The following EVA1C variants were observed in gnomAD, a reference collection of about 807,000 sequenced individuals.
EVA1C encodes the protein protein eva-1 homolog C.
In EVA1C, 25 loss-of-function variants were observed where a neutral mutation model predicts 45.4. That is an observed-to-expected ratio of 0.55 (90% CI 0.40 to 0.77). The LOEUF is 0.77. EVA1C is among the 30% of genes least tolerant of loss of function. The pLI is 0.00. For missense variants in EVA1C, 479 were observed against 554.8 expected (o/e 0.86, Z 1.37); for synonymous variants, 190 against 221.2 (o/e 0.86, Z 1.25).
intron 1 of EVA1C, among the ~76,000 whole-genome samples, chr21:32,413,941 A>C (rs990311393): frequency 3.9e-5 from 6 of 152,206 alleles, no homozygotes; most frequent in African/African-American, 1.4e-4. Context: ...CAGGCTTTGC[A>C]CAGTCGGTCC....
intron 4 of EVA1C, among the ~76,000 whole-genome samples, chr21:32,482,544 A>T (rs2036824376): frequency 6.6e-6 from 1 of 152,174 alleles, no homozygotes; most frequent in Non-Finnish European, 1.5e-5. Flanking sequence ...ACCTCCTCGG[A>T]AGCCCAGGGC....
intron 4 of EVA1C, among the ~76,000 whole-genome samples, chr21:32,473,586 G>A (rs770277889): frequency 2.6e-5 from 4 of 152,212 alleles, no homozygotes; most frequent in Admixed American, 6.5e-5. Flanking sequence ...GTCCCATGGT[G>A]GCACCTCTCT....
Position 32,457,658 on chromosome 21 carries a change from T to C in EVA1C, c.419T>C (p.Phe140Ser), listed in dbSNP as rs1487791488. 5.0e-6 allele frequency: 8 copies of C among 1,614,176 alleles called. No individual in the cohort carries two copies. In the South Asian group the frequency reaches 8.8e-5, roughly 18 times the overall value. The change falls in exon 3 of 8, where the codon TTT becomes TCT. Residue 140 changes from phenylalanine to serine, a missense_variant. Phe to Ser is a radical substitution (Grantham distance 155). Transcript: ENST00000300255. Reference protein sequence around the residue: ...ACHLLVNSRVFGPDLCPGSSK... With the variant: ...ACHLLVNSRVSGPDLCPGSSK... ...CACCTCCTGGTCAATAGCCGTGTTT[T>C]TGGACCTGACCTTTGTCCAGGAAGC... is the stretch of plus-strand genomic sequence containing the variant.
intron 4 of EVA1C, among the ~76,000 whole-genome samples, chr21:32,472,640 A>T (rs2036418504): frequency 6.6e-6 from 1 of 151,518 alleles, no homozygotes; most frequent in African/African-American, 2.4e-5. Flanking sequence ...TGTCTCTTAA[A>T]AGAAAAAAAA....
At chr21:32,448,093 A>G (rs2035432441) in intron 1 of EVA1C, among the ~76,000 whole-genome samples, 1 of 151,866 alleles carries the variant, frequency 6.6e-6, no homozygotes, top group African/African-American at 2.4e-5. Flanking sequence ...GATGGCCTCC[A>G]TGTTGCTGAA....
At chr21:32,415,719 C>T (rs1321861691) in intron 1 of EVA1C, among the ~76,000 whole-genome samples, 3 of 152,256 alleles carry the variant, frequency 2.0e-5, no homozygotes, top group South Asian at 2.1e-4. Context: ...TAAACAGGCT[C>T]CCCAAACACC....
At position 32,412,937 on chromosome 21, in the gene EVA1C, G is replaced by A. The variant is rs1162840542; in HGVS notation, c.84G>A (p.Pro28=). The change falls in exon 1 of 8, where the codon CCG becomes CCA. Residue 28 remains proline (P), a synonymous_variant. Coordinates refer to ENST00000300255, the MANE Select transcript of EVA1C (RefSeq NM_058187.5). ...GCCTCCGCCGGCAGGTAGAGCCGCC[G>A]GGGCAGCTCCTGCGCCTCTTCTACT... The part of the protein sequence containing the change: ...HPGLRRQVEP[P]GQLLRLFYCT... 1 of 1,540,632 alleles carries A rather than the reference G, an allele frequency of 6.5e-7. No individual in the cohort carries two copies. Among genetic ancestry groups the A allele is most frequent in the Non-Finnish European group, 8.7e-7 (1 of 1,145,998 alleles).
intron 7 of EVA1C, among the ~76,000 whole-genome samples, chr21:32,505,476 G>C (rs2037694779): frequency 6.6e-6 from 1 of 152,184 alleles, no homozygotes; most frequent in South Asian, 2.1e-4. Flanking sequence ...ACGATTGAAG[G>C]GGAACGAGAC....
At chr21:32,485,742 T>A (rs1202097289) in intron 4 of EVA1C, among the ~76,000 whole-genome samples, 1 of 152,232 alleles carries the variant, frequency 6.6e-6, no homozygotes, top group Admixed American at 6.5e-5. Flanking sequence ...GTCTTTAATG[T>A]CAACTGGATT....
intron 1 of EVA1C, among the ~76,000 whole-genome samples, chr21:32,429,863 C>G (rs1259124499): frequency 1.3e-5 from 2 of 152,122 alleles, no homozygotes; most frequent in Non-Finnish European, 2.9e-5. Flanking sequence ...ATTATTATTT[C>G]AACATTAATG....
chr21:32,507,678 CTGTGTGCA>C lies in EVA1C; in HGVS notation c.949+3674_949+3681del, dbSNP rs369976227. Among the ~76,000 whole-genome samples, 375 of 139,702 alleles carry C rather than the reference CTGTGTGCA, an allele frequency of 2.7e-3. 2 individuals carry two copies. The highest frequency in any genetic ancestry group is 9.3e-3 in the African/African-American group (352 of 37,686). The allele number at this position is 139,702 out of a possible 152,430, so 91.6% of individuals were successfully genotyped here. ...TGCCTGTGTGTGCATGCATGTGTAT[CTGTGTGCA>C]TGTGTGCATGCGTATGTGCACGTGT... is the stretch of plus-strand genomic sequence containing the variant. On this transcript the variant is annotated intron_variant, in intron 7 of 7. Coordinates refer to ENST00000300255, the MANE Select transcript of EVA1C (RefSeq NM_058187.5).
At chr21:32,417,041 A>G (rs2034076693) in intron 1 of EVA1C, among the ~76,000 whole-genome samples, 1 of 152,194 alleles carries the variant, frequency 6.6e-6, no homozygotes, top group Non-Finnish European at 1.5e-5. Flanking sequence ...GTTATAGTGC[A>G]CTGCAGCCTC....
At position 32,509,861 on chromosome 21, in the gene EVA1C, T is replaced by C. The variant is rs528811752; in HGVS notation, c.950-4953T>C. Among the ~76,000 whole-genome samples, 10 of 150,664 alleles carry C rather than the reference T, an allele frequency of 6.6e-5. No individual in the cohort carries two copies. In the East Asian group the frequency reaches 2.0e-3, roughly 29 times the overall value. On this transcript the variant is annotated intron_variant, in intron 7 of 7. Transcript: ENST00000300255. ...AAGAGCACATGCAGAAAAACCAGGG[T>C]GTGCAGGTATCTGATGTGTCACGAG...
chr21:32,455,525 C>T (rs1000928195), intron 2 of EVA1C, among the ~76,000 whole-genome samples: 3 of 152,150 alleles, frequency 2.0e-5, no homozygotes, highest in African/African-American at 7.2e-5. Context: ...CCAGGAGCTA[C>T]ATCCCTCTTG....
chr21:32,460,993 G>A (rs555420183), intron 3 of EVA1C, among the ~76,000 whole-genome samples: 2 of 152,326 alleles, frequency 1.3e-5, no homozygotes, highest in African/African-American at 2.4e-5. Flanking sequence ...TGATCTGCCC[G>A]CATTGGCCTC....
chr21:32,452,013 A>C lies in EVA1C; in HGVS notation c.161-1299A>C, dbSNP rs1355769497. 6.6e-6 allele frequency among the ~76,000 whole-genome samples: 1 copy of C among 152,130 alleles called. No individual in the cohort carries two copies. The highest frequency in any genetic ancestry group is 1.5e-5 in the Non-Finnish European group (1 of 68,018). On this transcript the variant is annotated intron_variant, in intron 1 of 7. Transcript: ENST00000300255. The surrounding 1 kb of genome is among the most constrained non-coding windows in gnomAD (Gnocchi z 4.0). ...AGCAGGCCCCTTCTCTACGCAGGGCACCCTGCCTGTCTTTCCTCTCCAGCA... is the reference window on the plus strand; with the variant it reads ...AGCAGGCCCCTTCTCTACGCAGGGCCCCCTGCCTGTCTTTCCTCTCCAGCA...
intron 4 of EVA1C, among the ~76,000 whole-genome samples, chr21:32,487,493 G>C (rs148342439): frequency 6.6e-6 from 1 of 152,156 alleles, no homozygotes; most frequent in Admixed American, 6.5e-5. Flanking sequence ...GCCAAGGCAG[G>C]TGGATCACCT....
At position 32,515,327 on chromosome 21, in the gene EVA1C, A is replaced by C; in HGVS notation, c.*137A>C. 1 of 892,702 alleles carries C rather than the reference A, an allele frequency of 1.1e-6. No individual in the cohort carries two copies. Among genetic ancestry groups the C allele is most frequent in the Non-Finnish European group, 1.7e-6 (1 of 602,458 alleles). 55.3% of individuals were successfully genotyped at this position (892,702 alleles called of 1,614,324 possible). On this transcript the variant is annotated 3_prime_UTR_variant, in exon 8 of 8. Coordinates refer to ENST00000300255, the MANE Select transcript of EVA1C (RefSeq NM_058187.5). ...TCAACACTCGTGAGGCCAGGAAGCTATTAAAGGGATGTTTCAAGCTGTTTC... is the reference window on the plus strand; with the variant it reads ...TCAACACTCGTGAGGCCAGGAAGCTCTTAAAGGGATGTTTCAAGCTGTTTC...
At chr21:32,480,111 T>C (rs1435642445) in intron 4 of EVA1C, among the ~76,000 whole-genome samples, 1 of 152,044 alleles carries the variant, frequency 6.6e-6, no homozygotes, top group Non-Finnish European at 1.5e-5. Context: ...TTATTCTACA[T>C]AGCACTGCTT....
Sources: gnomAD v4.1 joint callset for allele counts (sites outside exome capture counted in the v4.1 genomes callset) on GRCh38, gnomAD v4.1.1 for gene constraint, Gnocchi (gnomAD v3.1) non-coding constraint, MANE v1.5 for transcripts, NCBI Gene and HGNC (gene_info 2026-07-23, HGNC 2026-07-21) for gene names.